The following PHKB variants were observed in gnomAD, a reference collection of about 807,000 sequenced individuals.
PHKB encodes the protein phosphorylase b kinase regulatory subunit beta.
Under a neutral mutation model 152.1 loss-of-function variants are expected in PHKB, and 122 were observed. The ratio of observed to expected loss-of-function variants is 0.80; its 90% CI spans 0.69 to 0.93. The LOEUF is 0.93. Ranked by LOEUF, PHKB falls within the 40% of genes least tolerant of loss-of-function variation. The pLI is 0.00. For missense variants in PHKB, 1,304 were observed against 1,328.4 expected (o/e 0.98, Z 0.29); for synonymous variants, 436 against 464.9 (o/e 0.94, Z 0.80).
chr16:47,461,407 A>C lies in PHKB; in HGVS notation c.57A>C (p.Arg19Ser). 1 of 1,613,214 alleles carries C rather than the reference A, an allele frequency of 6.2e-7. No individual in the cohort carries two copies. Among genetic ancestry groups the C allele is most frequent in the Non-Finnish European group, 8.5e-7 (1 of 1,179,780 alleles). ...AEVSWKVLER[R>S]ARTKRSGSVY... The stretch of plus-strand genomic sequence containing the variant: ...TGAGCTGGAAGGTCTTGGAGCGAAG[A>C]GCTCGGACCAAGCGCTCAGGTTTGG... The change falls in exon 1 of 31, where the codon AGA becomes AGC. Residue 19 changes from arginine (R) to serine (S), a missense_variant. Transcript: ENST00000323584.
At chr16:47,639,064 C>T (rs2151725337) in intron 14 of PHKB, among the ~76,000 whole-genome samples, 1 of 152,106 alleles carries the variant, frequency 6.6e-6, no homozygotes, top group Admixed American at 6.5e-5. Context: ...CGCTTGAGCC[C>T]AGGAGTTCAA....
chr16:47,539,522 AT>A (rs1971013625), intron 6 of PHKB, among the ~76,000 whole-genome samples: 1 of 152,158 alleles, frequency 6.6e-6, no homozygotes, highest in Admixed American at 6.5e-5. Flanking sequence ...TTGTTGAAGA[AT>A]GTATCTATTG....
chr16:47,598,592 C>T (rs372794612), intron 13 of PHKB: 15 of 984,174 alleles, frequency 1.5e-5, no homozygotes, highest in East Asian at 9.6e-5. Context: ...AACACGCCCT[C>T]GATATAGCAG....
chr16:47,669,478 C>A, intron 26 of PHKB, 61 bp downstream of exon 26: 1 of 1,457,456 alleles, frequency 6.9e-7, no homozygotes, highest in Non-Finnish European at 9.6e-7. Context: ...CTAACAGACC[C>A]GGCCTCTCCA....
intron 16 of PHKB, among the ~76,000 whole-genome samples, chr16:47,647,475 G>A (rs1167739511): frequency 1.3e-5 from 2 of 151,708 alleles, no homozygotes; most frequent in African/African-American, 4.8e-5. Flanking sequence ...GAAATGTACA[G>A]AAAATGCATA....
chr16:47,599,901 T>A (rs527919723), intron 13 of PHKB, among the ~76,000 whole-genome samples: 2 of 152,312 alleles, frequency 1.3e-5, no homozygotes, highest in African/African-American at 4.8e-5. Flanking sequence ...ATACTAGCCC[T>A]AAGAACCATC....
At chr16:47,631,446 T>C (rs548692904) in intron 14 of PHKB, among the ~76,000 whole-genome samples, 47 of 152,318 alleles carry the variant, frequency 3.1e-4, no homozygotes, top group Admixed American at 2.2e-3. Flanking sequence ...CAAACCAGAC[T>C]ACAAAACAAA....
chr16:47,679,206 T>A (rs1390912737), intron 26 of PHKB, among the ~76,000 whole-genome samples: 4 of 152,238 alleles, frequency 2.6e-5, no homozygotes, highest in African/African-American at 9.6e-5. Context: ...GGTAGTGTGA[T>A]GCCTCCAGCT....
In PHKB at chr16:47,699,320, AAGG is replaced by A. The variant is rs1567362438; in HGVS notation, c.3239_3241del (p.Gly1080del). 4 of 1,614,052 alleles carry A rather than the reference AAGG, an allele frequency of 2.5e-6. No individual in the cohort carries two copies. The highest frequency in any genetic ancestry group is 2.7e-5 in the African/African-American group (2 of 74,926). ...AAGGCGGTGATGAATCTGCTGCTGG[AAGG>A]AGAAGTCAAGCCAAACAATGATGAC... On this transcript the variant is annotated inframe_deletion, in exon 31 of 31. Coordinates refer to ENST00000323584, the MANE Select transcript of PHKB (RefSeq NM_000293.3).
intron 5 of PHKB, 34 bp from the exon 6 acceptor site, chr16:47,515,487 T>C: frequency 1.0e-6 from 1 of 963,020 alleles, no homozygotes; most frequent in Non-Finnish European, 1.7e-6. Context: ...TTTGGTTGTT[T>C]CCTTTAACCT....
In PHKB at chr16:47,649,095, T is replaced by C. The variant is rs1233986674; in HGVS notation, c.1693-5T>C. On this transcript the variant is annotated splice_polypyrimidine_tract_variant and splice_region_variant and intron_variant, in intron 17 of 30. Coordinates refer to ENST00000323584, the MANE Select transcript of PHKB (RefSeq NM_000293.3). ...TTATTTGTTTTAAAACTTTTTCCCT[T>C]ACAGATTTATCGCATTCTAGGAAAG... 6.5e-7 allele frequency: 1 copy of C among 1,538,584 alleles called. No homozygotes were observed. Among genetic ancestry groups the C allele is most frequent in the South Asian group, 1.1e-5 (1 of 89,506 alleles).
intron 13 of PHKB, among the ~76,000 whole-genome samples, chr16:47,606,857 C>A (rs1388236125): frequency 6.6e-6 from 1 of 152,132 alleles, no homozygotes; most frequent in Non-Finnish European, 1.5e-5. Flanking sequence ...AGACTTAGTG[C>A]CTTCCTCCCC....
intron 1 of PHKB, among the ~76,000 whole-genome samples, chr16:47,468,771 C>T (rs1969713845): frequency 6.6e-6 from 1 of 152,224 alleles, no homozygotes. Context: ...GAATTCTCCT[C>T]TTCTTCTCCA....
chr16:47,546,188 T>C (rs1017684226), intron 6 of PHKB, among the ~76,000 whole-genome samples: 3 of 152,244 alleles, frequency 2.0e-5, no homozygotes, highest in Non-Finnish European at 4.4e-5. Context: ...TTTAGAACTT[T>C]CAGCTTTTCT....
intron 14 of PHKB, among the ~76,000 whole-genome samples, chr16:47,627,356 C>T (rs1292560279): frequency 6.6e-6 from 1 of 152,228 alleles, no homozygotes; most frequent in East Asian, 1.9e-4. Flanking sequence ...TTAGCACTGT[C>T]ATTTCCTTAA....
In PHKB at chr16:47,515,931, CT is replaced by C. The variant is rs753864226; in HGVS notation, c.594+345del. On this transcript the variant is annotated intron_variant, in intron 6 of 30. Coordinates refer to ENST00000323584, the MANE Select transcript of PHKB (RefSeq NM_000293.3). ...ATTTGCAGATTTTCTCAATTATTGT[CT>C]TTTTTTTTTTTTTTGAGATGGAGTC... is the stretch of plus-strand genomic sequence containing the variant. Among the ~76,000 whole-genome samples the C allele has an allele frequency of 2.9e-3, 406 of 140,158 alleles. 1 individual carries two copies. The highest frequency in any genetic ancestry group is 4.1e-3 in the Admixed American group (57 of 13,986). 91.9% of individuals were successfully genotyped at this position (140,158 alleles called of 152,430 possible). A position where few individuals can be genotyped will look rare whatever the true frequency, so the allele number is the denominator to read the frequency against.
intron 7 of PHKB, among the ~76,000 whole-genome samples, chr16:47,572,629 C>T (rs552118606): frequency 1.3e-5 from 2 of 152,130 alleles, no homozygotes; most frequent in African/African-American, 4.8e-5. Context: ...CCTGTCCTCT[C>T]ATCTCATAAG....
chr16:47,546,531 G>A (rs927123968), intron 6 of PHKB, among the ~76,000 whole-genome samples: 11 of 152,298 alleles, frequency 7.2e-5, no homozygotes, highest in Admixed American at 5.2e-4. Context: ...CCCCTACTCG[G>A]ACGTGTCTCC....
chr16:47,699,038 A>G (rs187136730), intron 30 of PHKB, 191 bp from the exon 31 acceptor site: 2 of 613,710 alleles, frequency 3.3e-6, no homozygotes, highest in African/African-American at 1.9e-5. Flanking sequence ...AACAAAGGAG[A>G]GAATACTAAA....
Sources: allele counts gnomAD v4.1 joint callset (sites outside exome capture counted in the v4.1 genomes callset), GRCh38; gene constraint gnomAD v4.1.1; transcripts MANE v1.5; gene names NCBI Gene and HGNC (gene_info 2026-07-23, HGNC 2026-07-21).